The following TNS1 variants were observed in gnomAD, a reference collection of about 807,000 sequenced individuals.
TNS1 encodes the protein tensin-1.
In TNS1, 62 loss-of-function variants were observed where a neutral mutation model predicts 168.6. The ratio of observed to expected loss-of-function variants is 0.37; its 90% CI spans 0.30 to 0.45. The LOEUF (loss-of-function observed/expected upper bound fraction) is 0.45. Ranked by LOEUF, TNS1 falls within the 20% of genes least tolerant of loss-of-function variation. The pLI is 1.00. For synonymous variants in TNS1, 934 were observed against 933.2 expected (o/e 1.00, Z -0.02); for missense variants, 2,240 against 2,339.4 (o/e 0.96, Z 0.88).
chr2:217,843,217 T>C (rs1010025568), intron 19 of TNS1, among the ~76,000 whole-genome samples: 1 of 152,158 alleles, frequency 6.6e-6, no homozygotes, highest in Admixed American at 6.5e-5. Flanking sequence ...CTATCCTTTA[T>C]TCTAATTTCA....
chr2:217,917,315 G>C (rs922571279), intron 4 of TNS1, among the ~76,000 whole-genome samples: 2 of 152,188 alleles, frequency 1.3e-5, no homozygotes, highest in African/African-American at 4.8e-5. Flanking sequence ...AACATATATA[G>C]AGCACCTACC....
At chr2:218,029,957 G>T (rs187321295) in intron 1 of TNS1, among the ~76,000 whole-genome samples, 162 of 152,268 alleles carry the variant, frequency 1.1e-3, no homozygotes, top group African/African-American at 3.7e-3. Context: ...GATGAGAGGG[G>T]TTATTTTCAA....
At chr2:217,888,185 G>A (rs1951396059) in intron 12 of TNS1, among the ~76,000 whole-genome samples, 1 of 152,216 alleles carries the variant, frequency 6.6e-6, no homozygotes, top group Admixed American at 6.5e-5. Flanking sequence ...TCAGATCTCT[G>A]GATCGTGCCA....
chr2:217,936,506 A>T (rs1956615890), intron 3 of TNS1, among the ~76,000 whole-genome samples: 1 of 152,190 alleles, frequency 6.6e-6, no homozygotes, highest in African/African-American at 2.4e-5. Flanking sequence ...GTGACTTGGG[A>T]GAGGATTTTC....
intron 1 of TNS1, among the ~76,000 whole-genome samples, chr2:217,998,356 G>A (rs542822888): frequency 6.6e-5 from 10 of 152,194 alleles, no homozygotes; most frequent in South Asian, 4.1e-4. Flanking sequence ...GCACTGAAAC[G>A]AAATCATGTC....
At chr2:217,883,454 G>C (rs759140311) in intron 16 of TNS1, among the ~76,000 whole-genome samples, 1 of 151,876 alleles carries the variant, frequency 6.6e-6, no homozygotes, top group Non-Finnish European at 1.5e-5. Flanking sequence ...TTGTAGAGAT[G>C]GGGTCTCACT....
In TNS1 at chr2:217,924,862, G is replaced by A. The variant is rs991143615; in HGVS notation, c.187-4626C>T. ...GATCTTGGCCCTTTGGGTGTCTGGC[G>A]CAGTGGTTATGCAGTGGTGGCCCAC... On this transcript the variant is annotated intron_variant, in intron 3 of 32. Transcript: ENST00000682258. Among the ~76,000 whole-genome samples, 5 of 152,152 alleles carry A rather than the reference G, an allele frequency of 3.3e-5. 1 individual carries two copies. The highest frequency in any genetic ancestry group is 7.2e-5 in the African/African-American group (3 of 41,442).
At chr2:218,013,787 G>A (rs1434411412), upstream of TNS1, among the ~76,000 whole-genome samples, 1 of 152,120 alleles carries the variant, frequency 6.6e-6, no homozygotes, top group African/African-American at 2.4e-5. Context: ...GAGGAGGAAT[G>A]ACTTCTCCAC....
chr2:217,823,516 T>C (rs1574639627), intron 22 of TNS1, among the ~76,000 whole-genome samples: 1 of 152,220 alleles, frequency 6.6e-6, no homozygotes, highest in African/African-American at 2.4e-5. Context: ...ATGGCCTCCG[T>C]GGAGTGGCTT....
intron 6 of TNS1, among the ~76,000 whole-genome samples, chr2:217,904,878 T>C (rs1193071036): frequency 2.6e-5 from 4 of 152,154 alleles, no homozygotes; most frequent in Non-Finnish European, 4.4e-5. Context: ...GAAGGCTTGG[T>C]TCACACACCA....
chr2:217,998,988 G>T (rs956895454), intron 1 of TNS1, among the ~76,000 whole-genome samples: 1 of 152,136 alleles, frequency 6.6e-6, no homozygotes, highest in Non-Finnish European at 1.5e-5. Flanking sequence ...ATAATAATCC[G>T]TGAAAAGGAT....
At chr2:217,905,836 G>A (rs1953615902) in intron 6 of TNS1, among the ~76,000 whole-genome samples, 1 of 152,170 alleles carries the variant, frequency 6.6e-6, no homozygotes, top group Admixed American at 6.5e-5. Context: ...GAGGCAGGAG[G>A]AGCCCATGGG....
chr2:217,997,825 T>A (rs1361247197), intron 1 of TNS1, among the ~76,000 whole-genome samples: 2 of 152,236 alleles, frequency 1.3e-5, no homozygotes, highest in African/African-American at 2.4e-5. Flanking sequence ...ATTCGTGTTG[T>A]CTTTTCTGTG....
At chr2:218,020,718 C>G (rs1360578709) in intron 1 of TNS1, among the ~76,000 whole-genome samples, 2 of 152,196 alleles carry the variant, frequency 1.3e-5, no homozygotes, top group Non-Finnish European at 2.9e-5. Context: ...TGAGTGTTTG[C>G]TACCTGACCG....
chr2:217,905,573 C>A, intron 6 of TNS1: 1 of 269,796 alleles, frequency 3.7e-6, no homozygotes, highest in Non-Finnish European at 7.5e-6. Flanking sequence ...ACCCCTGTGC[C>A]AACCACCAAA....
At chr2:217,977,517 T>TC (rs1170050232) in intron 3 of TNS1, among the ~76,000 whole-genome samples, 38 of 152,272 alleles carry the variant, frequency 2.5e-4, no homozygotes, top group Non-Finnish European at 4.3e-4. Context: ...CAGCACCCCT[T>TC]CCCCAAGGTA....
upstream of TNS1, among the ~76,000 whole-genome samples, chr2:218,012,895 C>A (rs1187850237): frequency 6.6e-6 from 1 of 152,046 alleles, no homozygotes; most frequent in Non-Finnish European, 1.5e-5. Flanking sequence ...GGGTTCTAAT[C>A]CCAAATGATC....
upstream of TNS1, among the ~76,000 whole-genome samples, chr2:218,013,346 C>T (rs948072296): frequency 6.6e-6 from 1 of 152,108 alleles, no homozygotes; most frequent in Non-Finnish European, 1.5e-5. Flanking sequence ...ATGCAAAGCT[C>T]CCCACAGTGG....
intron 21 of TNS1, among the ~76,000 whole-genome samples, chr2:217,831,971 A>ACACACACG (rs71057582): frequency 1.3e-5 from 2 of 151,824 alleles, no homozygotes; most frequent in African/African-American, 4.8e-5. Context: ...ACACACACAC[A>ACACACACG]GACACACACA....
Sources: gnomAD v4.1 joint callset for allele counts (sites outside exome capture counted in the v4.1 genomes callset) on GRCh38, gnomAD v4.1.1 for gene constraint, MANE v1.5 for transcripts, NCBI Gene and HGNC (gene_info 2026-07-23, HGNC 2026-07-21) for gene names.